SMG5: variants seen among roughly 807,000 people sequenced by gnomAD.
The protein encoded by SMG5 is SMG5 nonsense mediated mRNA decay factor.
In SMG5, 53 loss-of-function variants were observed where a neutral mutation model predicts 122.9. The observed-to-expected ratio is 0.43, with a 90% CI of 0.35 to 0.54. The LOEUF (loss-of-function observed/expected upper bound fraction) is 0.54, where lower values mean the gene tolerates loss of function less well. SMG5 is among the 20% of genes least tolerant of loss of function. The pLI is 0.01. For synonymous variants in SMG5, 477 were observed against 490.2 expected (o/e 0.97, Z 0.35); for missense variants, 1,153 against 1,285.6 (o/e 0.90, Z 1.58).
chr1:156,265,023 C>T (rs1375734645), intron 12 of SMG5, among the ~76,000 whole-genome samples: 1 of 114,114 alleles, frequency 8.8e-6, no homozygotes, highest in Admixed American at 1.0e-4. Flanking sequence ...GAGACTCTGT[C>T]TCAAAAAAAA....
At chr1:156,288,557 C>G in the SMG5 span, among the ~76,000 whole-genome samples, 1 of 151,938 alleles carries the variant, frequency 6.6e-6, no homozygotes, top group Non-Finnish European at 1.5e-5. Flanking sequence ...AGGCTGGTCT[C>G]GAACTTCTGA....
chr1:156,287,201 T>C (rs1018709410), upstream of SMG5, among the ~76,000 whole-genome samples: 3 of 150,802 alleles, frequency 2.0e-5, no homozygotes, highest in Non-Finnish European at 3.0e-5. Context: ...TGGATCACAA[T>C]GTCAGGAGCT....
At position 156,253,503 on chromosome 1, in the gene SMG5, C is replaced by T; in HGVS notation, c.2448G>A (p.Gln816=). The change falls in exon 17 of 22, where the codon CAG becomes CAA. Residue 816 remains glutamine, a synonymous_variant. Transcript: ENST00000361813. ...QQAQAQFRMA[Q]EEARRNRLMR... ...TGAGCCTGTTCCGACGAGCTTCCTC[C>T]TGTGCCTATGAGGGAAAAAATGAGC... 6.2e-7 allele frequency: 1 copy of T among 1,614,076 alleles called. No homozygotes were observed. Among genetic ancestry groups the T allele is most frequent in the Non-Finnish European group, 8.5e-7 (1 of 1,179,990 alleles).
upstream of SMG5, chr1:156,285,584 C>T (rs766076728): frequency 6.2e-7 from 1 of 1,614,252 alleles, no homozygotes; most frequent in Non-Finnish European, 8.5e-7. Context: ...CGATGCCAAC[C>T]TGCTGCCTGA....
chr1:156,291,204 T>C, the SMG5 span: 8 of 593,584 alleles, frequency 1.3e-5, no homozygotes, highest in Admixed American at 8.9e-5. Context: ...CAATCACTTA[T>C]AGTAATTAGC....
chr1:156,262,920 C>T lies in SMG5; in HGVS notation c.2031+475G>A, dbSNP rs1300126591. ...AAGGGAAAGCTACCATGGCCCCACCCAGCCTCCATGGCAGCCGGCTTGACA... is the reference window on the plus strand; with the variant it reads ...AAGGGAAAGCTACCATGGCCCCACCTAGCCTCCATGGCAGCCGGCTTGACA... On this transcript the variant is annotated intron_variant, in intron 13 of 21. Transcript: ENST00000361813. Among the ~76,000 whole-genome samples, 5 of 152,222 alleles carry T rather than the reference C, an allele frequency of 3.3e-5. No homozygotes were observed. In the East Asian group the frequency reaches 9.6e-4, roughly 29 times the overall value.
At chr1:156,285,639 A>C (rs760508891), upstream of SMG5, 2 of 1,613,986 alleles carry the variant, frequency 1.2e-6, no homozygotes, top group Admixed American at 3.3e-5. Flanking sequence ...CAGTGCATTG[A>C]GCGGCAGCCC....
chr1:156,273,041 A>G (rs1316708649), intron 6 of SMG5, among the ~76,000 whole-genome samples: 1 of 151,886 alleles, frequency 6.6e-6, no homozygotes, highest in East Asian at 1.9e-4. Context: ...GCAAATCCCC[A>G]TCTCTCTCTA....
chr1:156,264,267 CAAAAAA>C (rs1205363773), intron 12 of SMG5, among the ~76,000 whole-genome samples: 65 of 53,972 alleles, frequency 1.2e-3, no homozygotes, highest in Non-Finnish European at 1.6e-3. Context: ...GACTCCGTCT[CAAAAAA>C]AAAAAAAAAA....
chr1:156,264,061 A>C (rs374284371), intron 12 of SMG5, among the ~76,000 whole-genome samples: 68 of 152,008 alleles, frequency 4.5e-4, no homozygotes, highest in African/African-American at 1.5e-3. Flanking sequence ...CAAGGTTAGG[A>C]GTTCAAGACC....
Position 156,282,666 on chromosome 1 carries a change from G to T in SMG5, c.15C>A (p.Pro5=), listed in dbSNP as rs755703048. 1 of 1,605,686 alleles carries T rather than the reference G, an allele frequency of 6.2e-7. No individual in the cohort carries two copies. The highest frequency in any genetic ancestry group is 8.5e-7 in the Non-Finnish European group (1 of 1,179,258). MSQG[P]PTGESSEPEA... ...CGGGCTCGCTGCTCTCCCCTGTGGGGGGGCCTTGGCTCATGGTGCCCGGGT... is the reference window on the plus strand; with the variant it reads ...CGGGCTCGCTGCTCTCCCCTGTGGGTGGGCCTTGGCTCATGGTGCCCGGGT... Residue 5 remains proline, a synonymous_variant, in exon 1 of 22, where the codon CCC becomes CCA. Transcript: ENST00000361813.
Position 156,267,611 on chromosome 1 carries a change from A to T in SMG5, c.976T>A (p.Tyr326Asn). The T allele has an allele frequency of 6.2e-7, 1 of 1,613,736 alleles. No individual in the cohort carries two copies. The highest frequency in any genetic ancestry group is 1.3e-5 in the African/African-American group (1 of 75,002). ...VLEDFNLCLF[Y>N]LPSSPNLSLA... ...CTGAGGTTGGGTGAGGAGGGCAGGT[A>T]GAAGAGGCAGAGGTTGAAGTCCTCC... Residue 326 changes from tyrosine (Y) to asparagine (N), a missense_variant, in exon 10 of 22, where the codon TAC becomes AAC. Coordinates refer to ENST00000361813, the MANE Select transcript of SMG5 (RefSeq NM_015327.3).
At chr1:156,278,069 TGA>T in intron 2 of SMG5, 21 bp from the exon 3 acceptor site, 2 of 1,612,868 alleles carry the variant, frequency 1.2e-6, no homozygotes, top group Middle Eastern at 1.7e-4. Context: ...TAGAGGAGCA[TGA>T]GAGAGACAGC....
intron 7 of SMG5, among the ~76,000 whole-genome samples, chr1:156,268,965 A>G (rs572832841): frequency 2.0e-5 from 3 of 147,002 alleles, no homozygotes; most frequent in African/African-American, 7.5e-5. Context: ...AAAGTCCCCA[A>G]TCCAACTCTT....
At chr1:156,276,981 C>T (rs1445922164) in intron 4 of SMG5, 104 bp downstream of exon 4, 1 of 1,156,874 alleles carries the variant, frequency 8.6e-7, no homozygotes, top group Non-Finnish European at 1.2e-6. Flanking sequence ...TCTGCTAGAA[C>T]TCTCTCTGCC....
Position 156,278,059 on chromosome 1 carries a change from TAG to T in SMG5, c.174-13_174-12del, listed in dbSNP as rs1348658562. On this transcript the variant is annotated splice_polypyrimidine_tract_variant and intron_variant, in intron 2 of 21. Transcript: ENST00000361813. The stretch of plus-strand genomic sequence containing the variant: ...CAGAGCTCACGCAGCCTGGAGGGTG[TAG>T]AGGAGCATGAGAGAGACAGCCCATC... 7.4e-6 allele frequency: 12 copies of T among 1,613,324 alleles called. No homozygotes were observed. Among genetic ancestry groups the T allele is most frequent in the Non-Finnish European group, 1.0e-5 (12 of 1,179,668 alleles).
chr1:156,274,971 G>C (rs1558244661), intron 4 of SMG5, among the ~76,000 whole-genome samples: 2 of 152,096 alleles, frequency 1.3e-5, no homozygotes, highest in Non-Finnish European at 2.9e-5. Context: ...CTTGCGGGAA[G>C]GTCATCACAG....
chr1:156,271,675 G>A (rs1662442077), intron 7 of SMG5, among the ~76,000 whole-genome samples: 1 of 88,006 alleles, frequency 1.1e-5, no homozygotes. Context: ...CTGGGTTCAA[G>A]TGATTCTCCT....
Position 156,267,624 on chromosome 1 carries a change from G to A in SMG5, c.963C>T (p.Asn321=), listed in dbSNP as rs752361783. 3.7e-6 allele frequency: 6 copies of A among 1,613,276 alleles called. No homozygotes were observed. Among genetic ancestry groups the A allele is most frequent in the South Asian group, 3.3e-5 (3 of 91,032 alleles). Residue 321 remains asparagine (N), a synonymous_variant, in exon 10 of 22, where the codon AAC becomes AAT. Coordinates refer to ENST00000361813, the MANE Select transcript of SMG5 (RefSeq NM_015327.3). The part of the protein sequence containing the change: ...SLCQSVLEDF[N]LCLFYLPSSP... ...AGGAGGGCAGGTAGAAGAGGCAGAG[G>A]TTGAAGTCCTCCAGGACTGACTGGC...
Sources: gnomAD v4.1 joint callset for allele counts (sites outside exome capture counted in the v4.1 genomes callset) on GRCh38, gnomAD v4.1.1 for gene constraint, MANE v1.5 for transcripts, NCBI Gene and HGNC (gene_info 2026-07-23, HGNC 2026-07-21) for gene names.